Variants in ATP2B1 observed in about 807,000 individuals in gnomAD.
ATP2B1 encodes plasma membrane calcium-transporting ATPase 1.
ATP2B1 carries 14 observed loss-of-function variants against 124.2 expected under a neutral mutation model. The observed-to-expected ratio is 0.11, with a 90% confidence interval of 0.07 to 0.18. The LOEUF (loss-of-function observed/expected upper bound fraction) is 0.18, where lower values mean the gene tolerates loss of function less well. ATP2B1 is among the 10% of genes least tolerant of loss of function. The pLI is 1.00. For synonymous variants in ATP2B1, 449 were observed against 492.4 expected, an observed-to-expected ratio of 0.91 and a Z score of 1.17; for missense variants, 763 against 1,466.1, an observed-to-expected ratio of 0.52 and a Z score of 7.83.
intron 2 of ATP2B1, among the ~76,000 whole-genome samples, chr12:89,650,049 C>G (rs1394466875): frequency 6.6e-6 from 1 of 152,162 alleles, no homozygotes; most frequent in Admixed American, 6.5e-5. Context: ...TCCTGTACAG[C>G]CTTGCAGAAC....
At chr12:89,613,692 A>G (rs1878449355) in intron 12 of ATP2B1, among the ~76,000 whole-genome samples, 3 of 152,228 alleles carry the variant, frequency 2.0e-5, no homozygotes, top group Admixed American at 6.5e-5. Flanking sequence ...GGAAACAATG[A>G]GTAAAAGGGA....
chr12:89,702,185 C>A (rs1891932396), intron 1 of ATP2B1, among the ~76,000 whole-genome samples: 1 of 152,144 alleles, frequency 6.6e-6, no homozygotes, highest in Admixed American at 6.5e-5. Flanking sequence ...CTGCATAAAC[C>A]AGCATATCCT....
At chr12:89,683,330 T>C (rs1210127815) in intron 1 of ATP2B1, among the ~76,000 whole-genome samples, 1 of 152,230 alleles carries the variant, frequency 6.6e-6, no homozygotes, top group Non-Finnish European at 1.5e-5. Flanking sequence ...TAGTACTGCT[T>C]TGGCCAAAAG....
At chr12:89,598,631 T>C (rs1875163343) in intron 20 of ATP2B1, 1 of 1,613,854 alleles carries the variant, frequency 6.2e-7, no homozygotes, top group Non-Finnish European at 8.5e-7. Context: ...AAACACTACA[T>C]GTGTAGGGGT....
At chr12:89,608,388 C>T (rs1187675202) in intron 15 of ATP2B1, among the ~76,000 whole-genome samples, 2 of 151,954 alleles carry the variant, frequency 1.3e-5, no homozygotes, top group Non-Finnish European at 2.9e-5. Context: ...GTTGGCCAGG[C>T]TGTTCTTGAA....
chr12:89,699,207 A>G (rs1891530296), intron 1 of ATP2B1, among the ~76,000 whole-genome samples: 1 of 152,092 alleles, frequency 6.6e-6, no homozygotes, highest in Non-Finnish European at 1.5e-5. Context: ...AACGCCTTCT[A>G]AAATTTTGGT....
At chr12:89,665,131 T>C (rs558267145) in intron 1 of ATP2B1, among the ~76,000 whole-genome samples, 5 of 152,326 alleles carry the variant, frequency 3.3e-5, no homozygotes, top group African/African-American at 1.2e-4. Context: ...ACCCGGCCTA[T>C]TATGCTATTC....
At chr12:89,607,211 G>A (rs1250139667) in intron 15 of ATP2B1, among the ~76,000 whole-genome samples, 1 of 152,140 alleles carries the variant, frequency 6.6e-6, no homozygotes, top group Non-Finnish European at 1.5e-5. Context: ...CCTTATCATG[G>A]CATTCAAGGC....
chr12:89,599,436 T>C, intron 19 of ATP2B1, 137 bp from the exon 20 acceptor site: 3 of 919,898 alleles, frequency 3.3e-6, no homozygotes, highest in Non-Finnish European at 4.7e-6. Flanking sequence ...TCCTGTTGAT[T>C]AGTCTTTCTC....
chr12:89,671,652 G>A (rs1887998240), intron 1 of ATP2B1, among the ~76,000 whole-genome samples: 1 of 151,884 alleles, frequency 6.6e-6, no homozygotes, highest in Non-Finnish European at 1.5e-5. Flanking sequence ...CAAACATACC[G>A]CTTGTTCTGC....
intron 15 of ATP2B1, among the ~76,000 whole-genome samples, chr12:89,608,537 C>T (rs993026628): frequency 6.6e-6 from 1 of 151,236 alleles, no homozygotes; most frequent in Non-Finnish European, 1.5e-5. Context: ...AGTGGTATAA[C>T]TGGGCCTAAA....
chr12:89,699,055 G>C (rs1398014243), intron 1 of ATP2B1, among the ~76,000 whole-genome samples: 1 of 152,172 alleles, frequency 6.6e-6, no homozygotes, highest in Admixed American at 6.5e-5. Flanking sequence ...ATTTCAACCA[G>C]TTCTCCCGTT....
intron 20 of ATP2B1, 94 bp from the exon 21 acceptor site, chr12:89,591,389 ATGAG>A: frequency 9.2e-7 from 1 of 1,087,506 alleles, no homozygotes; most frequent in Non-Finnish European, 1.3e-6. Context: ...ACAGCTAGGT[ATGAG>A]TGAATCATAT....
chr12:89,626,411 A>G (rs1277290345), intron 8 of ATP2B1, 43 bp downstream of exon 8: 4 of 1,533,278 alleles, frequency 2.6e-6, no homozygotes, highest in Non-Finnish European at 3.5e-6. Context: ...AGCAGAAAGC[A>G]TACTTAAAAA....
chr12:89,652,851 C>T (rs2136330620), intron 2 of ATP2B1, among the ~76,000 whole-genome samples: 1 of 152,298 alleles, frequency 6.6e-6, no homozygotes, highest in East Asian at 1.9e-4. Context: ...GATTCTCCTG[C>T]CTCAGCCTCC....
chr12:89,708,167 C>A (rs1892731060), intron 1 of ATP2B1, among the ~76,000 whole-genome samples: 1 of 152,140 alleles, frequency 6.6e-6, no homozygotes, highest in Admixed American at 6.5e-5. Context: ...GTGACCCTCC[C>A]GGGGCGCGGG....
intron 1 of ATP2B1, among the ~76,000 whole-genome samples, chr12:89,676,097 G>T (rs376492223): frequency 6.6e-6 from 1 of 152,062 alleles, no homozygotes; most frequent in East Asian, 1.9e-4. Flanking sequence ...AGGGAAAGAA[G>T]TGCAGTGATG....
intron 1 of ATP2B1, among the ~76,000 whole-genome samples, chr12:89,700,068 G>A (rs997603169): frequency 6.7e-6 from 1 of 148,312 alleles, no homozygotes; most frequent in African/African-American, 2.5e-5. Context: ...TGCCCAGGCT[G>A]GTCTCAGACT....
chr12:89,678,787 C>A (rs1565905980), intron 1 of ATP2B1, among the ~76,000 whole-genome samples: 1 of 152,110 alleles, frequency 6.6e-6, no homozygotes. Context: ...CTCTGGAGGG[C>A]CATTTGCAAC....
Sources: allele counts gnomAD v4.1 joint callset (sites outside exome capture counted in the v4.1 genomes callset), GRCh38; gene constraint gnomAD v4.1.1; transcripts MANE v1.5; gene names NCBI Gene and HGNC (gene_info 2026-07-23, HGNC 2026-07-21).